HMGA1: variants seen among roughly 807,000 people sequenced by gnomAD.
The protein encoded by HMGA1 is high mobility group AT-hook 1, also known as high mobility group protein HMG-I/HMG-Y.
A neutral mutation model predicts 15.1 loss-of-function variants in HMGA1; 1 was observed. That is an observed-to-expected ratio of 0.07 (90% CI 0.02 to 0.31). HMGA1 has a LOEUF of 0.31. Among genes scored for constraint, HMGA1 ranks in the 10% least tolerant of loss-of-function variants. HMGA1 has a pLI of 1.00. For missense variants in HMGA1, 94 were observed against 141.4 expected (o/e 0.66, Z 1.70); for synonymous variants, 56 against 54.8 (o/e 1.02, Z -0.10).
intron 3 of HMGA1, 38 bp downstream of exon 3, chr6:34,240,953 T>G: frequency 6.2e-7 from 1 of 1,612,636 alleles, no homozygotes; most frequent in Non-Finnish European, 8.5e-7. Flanking sequence ...GGTTTACCCT[T>G]TGGGGCTAGG....
rs1762656582 is a variant in HMGA1, at chr6:34,245,312, T to C, written c.*428T>C. The C allele has an allele frequency of 7.3e-7, 1 of 1,369,464 alleles. No individual in the cohort carries two copies. The highest frequency in any genetic ancestry group is 1.2e-5 in the South Asian group (1 of 81,550). 84.8% of individuals were successfully genotyped at this position (1,369,464 alleles called of 1,614,324 possible). A position where few individuals can be genotyped will look rare whatever the true frequency, so the allele number is the denominator to read the frequency against. ...TTCCCATAGTGGGGCCTGGGAGGGT[T>C]CCCCTGGCCTTAAAAGGGGCCCAAG... On this transcript the variant is annotated 3_prime_UTR_variant, in exon 6 of 6. Transcript: ENST00000311487.
Position 34,243,450 on chromosome 6 carries a change from T to C in HMGA1, c.220-18T>C, listed in dbSNP as rs1762463973. 6.2e-7 allele frequency: 1 copy of C among 1,607,788 alleles called. No homozygotes were observed. The highest frequency in any genetic ancestry group is 1.1e-5 in the South Asian group (1 of 90,900). ...ATGAGCATTTTGGACTTAGGAGATA[T>C]TTTCTCTAACCCTCTAGAAAACCAC... On this transcript the variant is annotated intron_variant, in intron 4 of 5. Transcript: ENST00000311487.
rs1762688968 is a variant in HMGA1 at position 34,245,659 on chromosome 6, T to C, written c.*775T>C. ...TTGTCCAGGTGAGGCCCAAGAGCCC[T>C]GTGGCCGCCACCTGAGGTGGGCTGG... is the stretch of plus-strand genomic sequence containing the variant. On this transcript the variant is annotated 3_prime_UTR_variant, in exon 6 of 6. Transcript: ENST00000311487. 2 of 1,330,090 alleles carry C rather than the reference T, an allele frequency of 1.5e-6. No homozygotes were observed. Among genetic ancestry groups the C allele is most frequent in the African/African-American group, 2.9e-5 (2 of 68,530 alleles). The allele number at this position is 1,330,090 out of a possible 1,614,324, so 82.4% of individuals were successfully genotyped here.
In HMGA1 at chr6:34,240,814, T is replaced by C. The variant is rs779407335; in HGVS notation, c.34T>C (p.Leu12=). 7 of 1,612,716 alleles carry C rather than the reference T, an allele frequency of 4.3e-6. No individual in the cohort carries two copies. The highest frequency in any genetic ancestry group is 5.9e-6 in the Non-Finnish European group (7 of 1,179,880). Residue 12 remains leucine (L), a synonymous_variant, in exon 3 of 6, where the codon TTG becomes CTG. Coordinates refer to ENST00000311487, the MANE Select transcript of HMGA1 (RefSeq NM_145899.3). ...SESSSKSSQP[L]ASKQEKDGTE... ...GTCGAGCTCGAAGTCCAGCCAGCCCTTGGCCTCCAAGCAGGAAAAGGACGG... is the reference window on the plus strand; with the variant it reads ...GTCGAGCTCGAAGTCCAGCCAGCCCCTGGCCTCCAAGCAGGAAAAGGACGG...
chr6:34,243,829 G>A (rs1762493767), intron 5 of HMGA1, among the ~76,000 whole-genome samples: 1 of 152,124 alleles, frequency 6.6e-6, no homozygotes, highest in Non-Finnish European at 1.5e-5. Flanking sequence ...AAGTCATCTA[G>A]CCTGTGTCCC....
At position 34,244,945 on chromosome 6, in the gene HMGA1, T is replaced by TGCTCC. The variant is rs1762618292; in HGVS notation, c.*67_*71dup. The stretch of plus-strand genomic sequence containing the variant: ...GCTTCCTTCTGGGACTGGACAGCTT[T>TGCTCC]GCTCCGCTCCCACCGCCCCCACCCC... On this transcript the variant is annotated 3_prime_UTR_variant, in exon 6 of 6. Transcript: ENST00000311487. 6.5e-7 allele frequency: 1 copy of TGCTCC among 1,548,024 alleles called. No homozygotes were observed. Among genetic ancestry groups the TGCTCC allele is most frequent in the African/African-American group, 1.4e-5 (1 of 72,790 alleles).
At chr6:34,242,580 TC>T in intron 3 of HMGA1, 131 bp from the exon 4 acceptor site, 1 of 702,684 alleles carries the variant, frequency 1.4e-6, no homozygotes, top group East Asian at 2.8e-5. Context: ...CTGAAGGGAT[TC>T]CTAGGTCAGG....
Position 34,242,916 on chromosome 6 carries a change from C to G in HMGA1, c.219+121C>G, listed in dbSNP as rs559868549. On this transcript the variant is annotated intron_variant, in intron 4 of 5. Transcript: ENST00000311487. ...GCTCAGTCATCTCAGTTGTGTACCCCCTTCCCTGGTACAGGGATGGCAGTG... is the reference window on the plus strand; with the variant it reads ...GCTCAGTCATCTCAGTTGTGTACCCGCTTCCCTGGTACAGGGATGGCAGTG... The G allele has an allele frequency of 4.7e-5, 35 of 748,758 alleles. No homozygotes were observed. In the East Asian group the frequency reaches 9.0e-4, roughly 19 times the overall value. 46.4% of individuals were successfully genotyped at this position (748,758 alleles called of 1,614,324 possible). A position where few individuals can be genotyped will look rare whatever the true frequency, so the allele number is the denominator to read the frequency against.
intron 2 of HMGA1, among the ~76,000 whole-genome samples, chr6:34,238,087 G>A (rs950162454): frequency 9.2e-5 from 14 of 152,172 alleles, no homozygotes; most frequent in African/African-American, 3.4e-4. Context: ...GGGACGGAGG[G>A]AGGGGGCTTT....
intron 3 of HMGA1, among the ~76,000 whole-genome samples, chr6:34,242,385 T>A (rs1762379700): frequency 6.6e-6 from 1 of 152,180 alleles, no homozygotes; most frequent in Non-Finnish European, 1.5e-5. Flanking sequence ...GCATTAAGTG[T>A]CCCACCCAAG....
In HMGA1 at chr6:34,245,322, T is replaced by G. The variant is rs2127548767; in HGVS notation, c.*438T>G. On this transcript the variant is annotated 3_prime_UTR_variant, in exon 6 of 6. Coordinates refer to ENST00000311487, the MANE Select transcript of HMGA1 (RefSeq NM_145899.3). ...GGGGCCTGGGAGGGTTCCCCTGGCC[T>G]TAAAAGGGGCCCAAGCCCCATCTCA... 1 of 1,368,706 alleles carries G rather than the reference T, an allele frequency of 7.3e-7. No homozygotes were observed. The highest frequency in any genetic ancestry group is 1.4e-5 in the African/African-American group (1 of 69,754). The allele number at this position is 1,368,706 out of a possible 1,614,324, so 84.8% of individuals were successfully genotyped here. A position where few individuals can be genotyped will look rare whatever the true frequency, so the allele number is the denominator to read the frequency against.
chr6:34,238,589 A>G (rs964790744), intron 2 of HMGA1, among the ~76,000 whole-genome samples: 2 of 152,188 alleles, frequency 1.3e-5, no homozygotes, highest in African/African-American at 4.8e-5. Context: ...GTTTGCATGC[A>G]CAGTGTATGG....
chr6:34,240,217 T>C (rs903170081), intron 2 of HMGA1, among the ~76,000 whole-genome samples: 1 of 152,202 alleles, frequency 6.6e-6, no homozygotes, highest in African/African-American at 2.4e-5. Flanking sequence ...CCTTGCCAGA[T>C]AGGCAATATT....
intron 5 of HMGA1, among the ~76,000 whole-genome samples, chr6:34,243,957 T>C (rs1448901762): frequency 6.6e-6 from 1 of 152,020 alleles, no homozygotes; most frequent in Admixed American, 6.6e-5. Context: ...GCTGGAGTTC[T>C]GATGTGACCC....
intron 5 of HMGA1, among the ~76,000 whole-genome samples, chr6:34,244,402 C>T (rs2127546967): frequency 6.6e-6 from 1 of 152,238 alleles, no homozygotes; most frequent in Non-Finnish European, 1.5e-5. Context: ...AGCATCTGCC[C>T]CTGTGGGCCA....
At chr6:34,237,693 C>CCGAGCT (rs1407510457) in intron 2 of HMGA1, among the ~76,000 whole-genome samples, 2 of 150,388 alleles carry the variant, frequency 1.3e-5, no homozygotes, top group African/African-American at 2.4e-5. Flanking sequence ...GAGCCGGAGC[C>CCGAGCT]CGAGCCCGAG....
intron 2 of HMGA1, among the ~76,000 whole-genome samples, chr6:34,239,143 A>T (rs551493379): frequency 5.1e-4 from 78 of 152,320 alleles, no homozygotes; most frequent in South Asian, 3.1e-3. Flanking sequence ...AGATAGAATA[A>T]TTACCAAAGT....
chr6:34,241,722 C>T (rs1201210090), intron 3 of HMGA1, among the ~76,000 whole-genome samples: 1 of 152,196 alleles, frequency 6.6e-6, no homozygotes, highest in Admixed American at 6.5e-5. Context: ...GTTGGTGAAG[C>T]CCAGTTACTT....
At position 34,243,477 on chromosome 6, in the gene HMGA1, A is replaced by G; in HGVS notation, c.229A>G (p.Thr77Ala). The change falls in exon 5 of 6, where the codon ACA (threonine) becomes GCA (alanine). Residue 77 changes from threonine (T) to alanine (A), a missense_variant. Coordinates refer to ENST00000311487, the MANE Select transcript of HMGA1 (RefSeq NM_145899.3). The part of the protein sequence containing the change: ...KGAAKTRKTT[T>A]TPGRKPRGRP... The stretch of plus-strand genomic sequence containing the variant: ...TTCTCTAACCCTCTAGAAAACCACC[A>G]CAACTCCAGGAAGGAAACCAAGGGG... 1 of 1,613,498 alleles carries G rather than the reference A, an allele frequency of 6.2e-7. No homozygotes were observed. Among genetic ancestry groups the G allele is most frequent in the East Asian group, 2.2e-5 (1 of 44,868 alleles).
Sources: gnomAD v4.1 joint callset for allele counts (sites outside exome capture counted in the v4.1 genomes callset) on GRCh38, gnomAD v4.1.1 for gene constraint, MANE v1.5 for transcripts, NCBI Gene and HGNC (gene_info 2026-07-23, HGNC 2026-07-21) for gene names.